The following TAS2R1 variants were observed in gnomAD, a reference collection of about 807,000 sequenced individuals.
The protein encoded by TAS2R1 is taste 2 receptor member 1, also known as taste receptor type 2 member 1.
For missense variants in TAS2R1, 370 were observed against 353.4 expected (o/e 1.05, Z -0.38); for synonymous variants, 141 against 134.2 (o/e 1.05, Z -0.35).
the TAS2R1 span, among the ~76,000 whole-genome samples, chr5:9,891,976 G>A: frequency 6.6e-6 from 1 of 152,092 alleles, no homozygotes; most frequent in Non-Finnish European, 1.5e-5. Flanking sequence ...GCTGGCCCAA[G>A]CCCTCCCCTC....
chr5:9,687,223 G>C (rs1287809080), intron 1 of TAS2R1, among the ~76,000 whole-genome samples: 1 of 152,178 alleles, frequency 6.6e-6, no homozygotes, highest in African/African-American at 2.4e-5. Flanking sequence ...GCTCGCCTCA[G>C]CCTCCCAAAG....
chr5:9,657,394 T>G (rs1740435966), intron 2 of TAS2R1, among the ~76,000 whole-genome samples: 1 of 152,236 alleles, frequency 6.6e-6, no homozygotes, highest in Non-Finnish European at 1.5e-5. Context: ...CTTAAGCGTT[T>G]CATTTGCTGT....
chr5:9,744,452 C>A, the TAS2R1 span, among the ~76,000 whole-genome samples: 1 of 152,038 alleles, frequency 6.6e-6, no homozygotes, highest in African/African-American at 2.4e-5. Context: ...TAGATCACAC[C>A]CTGGTAATCA....
chr5:9,666,082 CT>C lies in TAS2R1; in HGVS notation c.-241-6502del, dbSNP rs936780788. ...GTTATATAACAAGAACTTCATGATT[CT>C]TTTTTTTTAATATTGCCTATTTCCA... On this transcript the variant is annotated intron_variant, in intron 1 of 2. Transcript: ENST00000506620. 1.6e-3 allele frequency among the ~76,000 whole-genome samples: 236 copies of C among 151,146 alleles called. 1 individual carries two copies. The highest frequency in any genetic ancestry group is 3.4e-3 in the Middle Eastern group (1 of 294).
the TAS2R1 span, among the ~76,000 whole-genome samples, chr5:9,888,134 C>T: frequency 6.6e-6 from 1 of 152,084 alleles, no homozygotes; most frequent in African/African-American, 2.4e-5. Flanking sequence ...TGTAGGCCCC[C>T]ATCTGCACCA....
chr5:9,798,912 C>G, the TAS2R1 span, among the ~76,000 whole-genome samples: 1 of 152,158 alleles, frequency 6.6e-6, no homozygotes, highest in East Asian at 1.9e-4. Flanking sequence ...TGCCATCTTC[C>G]CACACAAACC....
chr5:9,766,631 G>C, the TAS2R1 span, among the ~76,000 whole-genome samples: 1 of 152,194 alleles, frequency 6.6e-6, no homozygotes, highest in Non-Finnish European at 1.5e-5. Flanking sequence ...GTACACATCT[G>C]TCAACTGAAT....
chr5:9,714,252 T>C (rs1006242450), upstream of TAS2R1: 3 of 152,256 alleles, frequency 2.0e-5, no homozygotes, highest in Non-Finnish European at 4.4e-5. Context: ...GTAAATGGGA[T>C]GTAGATAATA....
the TAS2R1 span, among the ~76,000 whole-genome samples, chr5:9,832,853 G>A: frequency 6.6e-6 from 1 of 152,210 alleles, no homozygotes; most frequent in African/African-American, 2.4e-5. Flanking sequence ...CCAAGTTTAA[G>A]GATGTACTCG....
chr5:9,635,165 G>A (rs1739941014), upstream of TAS2R1, among the ~76,000 whole-genome samples: 1 of 151,980 alleles, frequency 6.6e-6, no homozygotes, highest in Non-Finnish European at 1.5e-5. Context: ...AGGGATGCTG[G>A]ATTTTGTCAA....
chr5:9,884,696 G>T, the TAS2R1 span, among the ~76,000 whole-genome samples: 4 of 152,142 alleles, frequency 2.6e-5, no homozygotes, highest in Admixed American at 2.6e-4. Context: ...CCATTATTAT[G>T]CTGTCAGAAT....
At chr5:9,825,072 T>C in the TAS2R1 span, among the ~76,000 whole-genome samples, 1 of 152,204 alleles carries the variant, frequency 6.6e-6, no homozygotes, top group South Asian at 2.1e-4. Flanking sequence ...TCCAGCCTAA[T>C]GGTTTTTTAA....
the TAS2R1 span, among the ~76,000 whole-genome samples, chr5:9,840,460 G>T: frequency 9.9e-5 from 15 of 152,082 alleles, no homozygotes; most frequent in Admixed American, 2.0e-4. Flanking sequence ...TGACTATAAA[G>T]ATTAGGGCAT....
chr5:9,755,974 C>T, the TAS2R1 span, among the ~76,000 whole-genome samples: 30 of 152,316 alleles, frequency 2.0e-4, no homozygotes, highest in South Asian at 2.1e-3. Context: ...ATTTTGTTCT[C>T]CTACCTCAGC....
At chr5:9,826,956 C>T in the TAS2R1 span, among the ~76,000 whole-genome samples, 1 of 152,154 alleles carries the variant, frequency 6.6e-6, no homozygotes. Context: ...ACTTCTAATA[C>T]TACACACCCT....
the TAS2R1 span, among the ~76,000 whole-genome samples, chr5:9,830,141 A>T: frequency 3.9e-5 from 6 of 152,060 alleles, no homozygotes; most frequent in Non-Finnish European, 7.4e-5. Flanking sequence ...GCCTGCTCCA[A>T]GATTTACTGG....
the TAS2R1 span, among the ~76,000 whole-genome samples, chr5:9,830,566 ATGGT>A: frequency 2.0e-5 from 3 of 151,238 alleles, no homozygotes; most frequent in Admixed American, 6.6e-5. Context: ...GAGATGATAG[ATGGT>A]TGGTAGGTAG....
the TAS2R1 span, among the ~76,000 whole-genome samples, chr5:9,898,231 T>C: frequency 7.0e-4 from 107 of 152,146 alleles, no homozygotes; most frequent in Non-Finnish European, 1.4e-3. Context: ...CTATTATCAG[T>C]GGGGAAAATG....
the TAS2R1 span, among the ~76,000 whole-genome samples, chr5:9,738,539 T>C: frequency 3.3e-5 from 5 of 152,166 alleles, no homozygotes; most frequent in African/African-American, 9.7e-5. Flanking sequence ...AGGGGTACGG[T>C]TTCTGTCACT....
Sources: gnomAD v4.1 joint callset for allele counts (sites outside exome capture counted in the v4.1 genomes callset) on GRCh38, gnomAD v4.1.1 for gene constraint, MANE v1.5 for transcripts, NCBI Gene and HGNC (gene_info 2026-07-23, HGNC 2026-07-21) for gene names.